ZNF408: variants seen among roughly 807,000 people sequenced by gnomAD.
ZNF408 encodes zinc finger protein 408.
A neutral mutation model predicts 27.6 loss-of-function variants in ZNF408; 24 were observed. That is an observed-to-expected ratio of 0.87 (90% confidence interval 0.63 to 1.22). The LOEUF is 1.22. Among genes scored for constraint, ZNF408 ranks in the 50% most tolerant of loss-of-function variants. The pLI, the probability that ZNF408 is intolerant of heterozygous loss-of-function variation, is 0.00. For synonymous variants in ZNF408, 410 were observed against 396.1 expected (o/e 1.04, Z -0.42); for missense variants, 897 against 949.0 (o/e 0.95, Z 0.72).
rs1430168362 is a variant in ZNF408 at position 46,702,760 on chromosome 11, G to A, written c.387G>A (p.Trp129Ter). The change falls in exon 3 of 5, where the codon TGG (tryptophan) becomes TGA (stop). Residue 129 changes from tryptophan (W) to a stop codon, truncating the protein, a stop_gained. Coordinates refer to ENST00000311764, the MANE Select transcript of ZNF408 (RefSeq NM_024741.3). LOFTEE classifies it high-confidence loss of function. The part of the protein sequence containing the change: ...DVCACEQSSG[W>*]TSLVQRGRLE... ...GTGCCTGTGAGCAGAGTTCTGGCTG[G>A]ACTAGGTAAGTCAGAGGAGAGTGTG... 1.2e-6 allele frequency: 2 copies of A among 1,614,188 alleles called. No individual in the cohort carries two copies. Among genetic ancestry groups the A allele is most frequent in the Non-Finnish European group, 1.7e-6 (2 of 1,180,020 alleles).
At chr11:46,701,746 C>T (rs1165703601) in intron 2 of ZNF408, 70 bp downstream of exon 2, 19 of 1,438,054 alleles carry the variant, frequency 1.3e-5, no homozygotes, top group Non-Finnish European at 1.7e-5. Flanking sequence ...TGCTAGACAG[C>T]TTTTCAATTT....
At chr11:46,703,754 T>C in intron 4 of ZNF408, among the ~76,000 whole-genome samples, 1 of 132,620 alleles carries the variant, frequency 7.5e-6, no homozygotes. Flanking sequence ...TTGTTGTTGT[T>C]GTTGTTGTTG....
chr11:46,705,186 T>G lies in ZNF408; in HGVS notation c.1486T>G (p.Phe496Val). ...GAGGCTCCATACAGGAGAAAAGCCT[T>G]TCCTGTGCCCGCACTGTGGCCGGGC... ...HMRLHTGEKP[F>V]LCPHCGRAFR... The change falls in exon 5 of 5, where the codon TTC becomes GTC. Residue 496 changes from phenylalanine (F) to valine (V), a missense_variant. Coordinates refer to ENST00000311764, the MANE Select transcript of ZNF408 (RefSeq NM_024741.3). The surrounding 1 kb of genome is among the most constrained non-coding windows in gnomAD (Gnocchi z 6.5). 2 of 1,611,638 alleles carry G rather than the reference T, an allele frequency of 1.2e-6. No homozygotes were observed. The highest frequency in any genetic ancestry group is 1.7e-6 in the Non-Finnish European group (2 of 1,179,936).
At position 46,705,067 on chromosome 11, in the gene ZNF408, G is replaced by A. The variant is rs576928706; in HGVS notation, c.1367G>A (p.Arg456His). 19 of 1,612,704 alleles carry A rather than the reference G, an allele frequency of 1.2e-5. No homozygotes were observed. Among genetic ancestry groups the A allele is most frequent in the Admixed American group, 5.0e-5 (3 of 60,000 alleles). ...FARRPSLRLH[R>H]KTHQVPAAPA... ...CGCCGGCCCTCCCTGCGGCTGCATCGCAAGACCCACCAGGTGCCAGCTGCC... is the reference window on the plus strand; with the variant it reads ...CGCCGGCCCTCCCTGCGGCTGCATCACAAGACCCACCAGGTGCCAGCTGCC... Residue 456 changes from arginine (R) to histidine (H), a missense_variant, in exon 5 of 5, where the codon CGC becomes CAC. Arg to His is a conservative substitution (Grantham distance 29). Coordinates refer to ENST00000311764, the MANE Select transcript of ZNF408 (RefSeq NM_024741.3). This position sits in a 1 kb window ranked among gnomAD's most constrained non-coding sequence, Gnocchi z 6.5.
In ZNF408 at chr11:46,701,628, G is replaced by A. The variant is rs760293861; in HGVS notation, c.282G>A (p.Glu94=). The A allele has an allele frequency of 6.2e-7, 1 of 1,607,006 alleles. No individual in the cohort carries two copies. The highest frequency in any genetic ancestry group is 8.5e-7 in the Non-Finnish European group (1 of 1,175,438). The part of the protein sequence containing the change: ...PGLLWGPLEE[E]SASKEKGEGV... Reference sequence around the variant, plus strand: ...TGCTGTGGGGGCCGCTGGAAGAGGAGTCTGCCTCCAAGGAGAAGGGCGAGG... The same window carrying A: ...TGCTGTGGGGGCCGCTGGAAGAGGAATCTGCCTCCAAGGAGAAGGGCGAGG... The change falls in exon 2 of 5, where the codon GAG becomes GAA. Residue 94 remains glutamate, a synonymous_variant. Coordinates refer to ENST00000311764, the MANE Select transcript of ZNF408 (RefSeq NM_024741.3).
intron 2 of ZNF408, among the ~76,000 whole-genome samples, chr11:46,702,428 T>C (rs2064716290): frequency 6.6e-6 from 1 of 152,208 alleles, no homozygotes; most frequent in South Asian, 2.1e-4. Context: ...TGGTGTTCCT[T>C]ATTACTTTTT....
chr11:46,701,261 CTT>C, intron 1 of ZNF408, 136 bp from the exon 2 acceptor site: 1 of 1,555,162 alleles, frequency 6.4e-7, no homozygotes, highest in Non-Finnish European at 8.8e-7. Flanking sequence ...CTCCTCAAAA[CTT>C]TCAGGGCCCT....
rs2064745271 is a variant in ZNF408 at position 46,705,482 on chromosome 11, G to A, written c.1782G>A (p.Leu594=). 2 of 1,606,394 alleles carry A rather than the reference G, an allele frequency of 1.2e-6. No individual in the cohort carries two copies. The highest frequency in any genetic ancestry group is 1.1e-5 in the South Asian group (1 of 91,088). ...GTGCTTACACGCTGGCCACCAAGCT[G>A]CGGCGCCACCTCAAATCTCACTTGG... is the stretch of plus-strand genomic sequence containing the variant. The part of the protein sequence containing the change: ...CGRAYTLATK[L]RRHLKSHLED... The change falls in exon 5 of 5, where the codon CTG becomes CTA. Residue 594 remains leucine (L), a synonymous_variant. Coordinates refer to ENST00000311764, the MANE Select transcript of ZNF408 (RefSeq NM_024741.3). The surrounding 1 kb of genome is among the most constrained non-coding windows in gnomAD (Gnocchi z 6.5).
At position 46,704,945 on chromosome 11, in the gene ZNF408, C is replaced by T. The variant is rs772898261; in HGVS notation, c.1245C>T (p.Asp415=). The change falls in exon 5 of 5, where the codon GAC becomes GAT. Residue 415 remains aspartate (D), a synonymous_variant. Transcript: ENST00000311764. ...GGCCCTTCCCCTGTCCACAATGCGA[C>T]AAGGCCTATGGCACCCAGCGAGACC... is the stretch of plus-strand genomic sequence containing the variant. ...GVRPFPCPQC[D]KAYGTQRDLK... The T allele has an allele frequency of 1.2e-6, 2 of 1,613,608 alleles. No individual in the cohort carries two copies. The highest frequency in any genetic ancestry group is 1.7e-6 in the Non-Finnish European group (2 of 1,180,028).
At chr11:46,701,193 A>T in intron 1 of ZNF408, 94 bp downstream of exon 1, 1 of 1,604,084 alleles carries the variant, frequency 6.2e-7, no homozygotes, top group Non-Finnish European at 8.5e-7. Flanking sequence ...TCTCCTCCGG[A>T]TCCCAGGATC....
chr11:46,703,918 G>A (rs2134508720), intron 4 of ZNF408, among the ~76,000 whole-genome samples: 1 of 151,860 alleles, frequency 6.6e-6, no homozygotes, highest in African/African-American at 2.4e-5. Flanking sequence ...TTTTAGTAGA[G>A]ATGGGGTTTC....
intron 4 of ZNF408, 125 bp downstream of exon 4, chr11:46,703,368 C>CA: frequency 7.8e-7 from 1 of 1,282,692 alleles, no homozygotes; most frequent in Non-Finnish European, 1.0e-6. Context: ...AGTAGCTTTT[C>CA]AAAATCTGTT....
rs371644247 is a variant in ZNF408, at chr11:46,703,758, G to GTTTTTTTTTT, written c.652+517_652+518insTTTTTTTTTT. ...TTTGTTTTGTTTTGTTGTTGTTGTT[G>GTTTTTTTTTT]TTGTTGTTGTTGTTTTTTTTTTTTT... On this transcript the variant is annotated intron_variant, in intron 4 of 4. Coordinates refer to ENST00000311764, the MANE Select transcript of ZNF408 (RefSeq NM_024741.3). 9.6e-5 allele frequency among the ~76,000 whole-genome samples: 9 copies of GTTTTTTTTTT among 94,156 alleles called. 1 individual carries two copies. The highest frequency in any genetic ancestry group is 3.3e-4 in the African/African-American group (7 of 21,348). The allele number at this position is 94,156 out of a possible 152,430, so 61.8% of individuals were successfully genotyped here. A position where few individuals can be genotyped will look rare whatever the true frequency, so the allele number is the denominator to read the frequency against.
intron 4 of ZNF408, among the ~76,000 whole-genome samples, chr11:46,703,759 T>G (rs1352545958): frequency 6.1e-5 from 7 of 114,226 alleles, no homozygotes; most frequent in African/African-American, 2.2e-4. Context: ...GTTGTTGTTG[T>G]TGTTGTTGTT....
In ZNF408 at chr11:46,705,128, C is replaced by G. The variant is rs1423639989; in HGVS notation, c.1428C>G (p.Pro476=). The G allele has an allele frequency of 1.2e-6, 2 of 1,611,450 alleles. No individual in the cohort carries two copies. The highest frequency in any genetic ancestry group is 1.7e-5 in the Admixed American group (1 of 60,010). ...GCCCATGCCCTGTGTGTGGGCGGCC[C>G]CTGGCCAACCAGGGCTCCCTGCGGA... is the stretch of plus-strand genomic sequence containing the variant. ...APCPCPVCGR[P]LANQGSLRNH... is the part of the protein sequence containing the mutation. The change falls in exon 5 of 5, where the codon CCC becomes CCG. Residue 476 remains proline, a synonymous_variant. Coordinates refer to ENST00000311764, the MANE Select transcript of ZNF408 (RefSeq NM_024741.3). The surrounding 1 kb of genome is among the most constrained non-coding windows in gnomAD (Gnocchi z 6.5).
chr11:46,701,321 C>T lies in ZNF408; in HGVS notation c.53-78C>T. The T allele has an allele frequency of 3.8e-6, 6 of 1,582,458 alleles. No homozygotes were observed. The South Asian group carries it at 6.8e-5, about 18-fold the overall frequency. On this transcript the variant is annotated intron_variant, in intron 1 of 4. Coordinates refer to ENST00000311764, the MANE Select transcript of ZNF408 (RefSeq NM_024741.3). ...TCGGGCTCCGCAGGCCCACCTGGAC[C>T]TGCGGTTTCCTCCCACACTTTTCCC...
chr11:46,705,783 G>T lies in ZNF408; in HGVS notation c.2083G>T (p.Ala695Ser). ...TGTGGTGCCAGAGGAGCCAGATGCC[G>T]CCCCCAGCCTGGTGCTAATCCATAA... Reference protein sequence around the residue: ...CFVVPEEPDAAPSLVLIHKDM... With the variant: ...CFVVPEEPDASPSLVLIHKDM... The change falls in exon 5 of 5, where the codon GCC becomes TCC. Residue 695 changes from alanine (A) to serine (S), a missense_variant. Physicochemically the swap from Ala to Ser is moderately conservative, Grantham distance 99 (BLOSUM62 1). Coordinates refer to ENST00000311764, the MANE Select transcript of ZNF408 (RefSeq NM_024741.3). The surrounding 1 kb of genome is among the most constrained non-coding windows in gnomAD (Gnocchi z 6.5). The T allele has an allele frequency of 6.2e-7, 1 of 1,610,720 alleles. No individual in the cohort carries two copies. The highest frequency in any genetic ancestry group is 8.5e-7 in the Non-Finnish European group (1 of 1,178,642).
In ZNF408 at chr11:46,705,193, G is replaced by T; in HGVS notation, c.1493G>T (p.Cys498Phe). ...CATACAGGAGAAAAGCCTTTCCTGT[G>T]CCCGCACTGTGGCCGGGCGTTTCGT... ...RLHTGEKPFLCPHCGRAFRQR... is the reference protein window; with the variant it reads ...RLHTGEKPFLFPHCGRAFRQR... The change falls in exon 5 of 5, where the codon TGC (cysteine) becomes TTC (phenylalanine). Residue 498 changes from cysteine (C) to phenylalanine (F), a missense_variant. Cys to Phe is a radical substitution (Grantham distance 205, BLOSUM62 -2). Transcript: ENST00000311764. This position sits in a 1 kb window ranked among gnomAD's most constrained non-coding sequence, Gnocchi z 6.5. The T allele has an allele frequency of 2.5e-6, 4 of 1,611,620 alleles. No homozygotes were observed. The highest frequency in any genetic ancestry group is 1.6e-4 in the Middle Eastern group (1 of 6,062).
chr11:46,701,836 T>A, intron 2 of ZNF408, 160 bp downstream of exon 2: 1 of 956,440 alleles, frequency 1.0e-6, no homozygotes, highest in Non-Finnish European at 1.5e-6. Flanking sequence ...CAGCAGTAGT[T>A]AAAGAATCGA....
Sources: allele counts gnomAD v4.1 joint callset (sites outside exome capture counted in the v4.1 genomes callset), GRCh38; gene constraint gnomAD v4.1.1; non-coding constraint Gnocchi (gnomAD v3.1); transcripts MANE v1.5; gene names NCBI Gene and HGNC (gene_info 2026-07-23, HGNC 2026-07-21).